Variants in EBF1 observed in about 807,000 individuals in gnomAD.
The protein encoded by EBF1 is EBF transcription factor 1.
In EBF1, 10 loss-of-function variants were observed where a neutral mutation model predicts 68.4. The observed-to-expected ratio is 0.15, with a 90% CI of 0.09 to 0.25. EBF1 has a LOEUF of 0.25. EBF1 is among the 10% of genes least tolerant of loss of function. The probability of loss-of-function intolerance (pLI) is 1.00; values close to 1 mark genes in which losing one functional copy is unlikely to be tolerated. For missense variants in EBF1, 509 were observed against 794.4 expected (o/e 0.64, Z 4.32); for synonymous variants, 298 against 299.8 (o/e 0.99, Z 0.06).
chr5:158,797,630 T>C (rs1184494103), intron 8 of EBF1, among the ~76,000 whole-genome samples: 1 of 152,190 alleles, frequency 6.6e-6, no homozygotes, highest in African/African-American at 2.4e-5. Context: ...GCTTTAACTT[T>C]TGCAAGAAGG....
intron 9 of EBF1, among the ~76,000 whole-genome samples, chr5:158,795,920 T>C (rs1477421657): frequency 6.6e-6 from 1 of 152,212 alleles, no homozygotes; most frequent in Non-Finnish European, 1.5e-5. Flanking sequence ...ACCTGGATTA[T>C]GCTGCCATTG....
chr5:158,833,973 A>G (rs1482653686), intron 7 of EBF1, among the ~76,000 whole-genome samples: 2 of 152,218 alleles, frequency 1.3e-5, no homozygotes, highest in East Asian at 3.8e-4. Flanking sequence ...TATGTCTTCT[A>G]TTTACATTCA....
At chr5:158,982,282 T>C (rs1449347264) in intron 6 of EBF1, among the ~76,000 whole-genome samples, 1 of 152,212 alleles carries the variant, frequency 6.6e-6, no homozygotes, top group Non-Finnish European at 1.5e-5. Flanking sequence ...CTGCTACAGT[T>C]GTTACTAATA....
chr5:158,904,826 A>G (rs1316916658), intron 6 of EBF1, among the ~76,000 whole-genome samples: 1 of 151,886 alleles, frequency 6.6e-6, no homozygotes, highest in Non-Finnish European at 1.5e-5. Context: ...TCCCTAATAC[A>G]TTTCTCAAAT....
chr5:158,789,427 C>T (rs1429606790), intron 9 of EBF1, among the ~76,000 whole-genome samples: 3 of 152,078 alleles, frequency 2.0e-5, no homozygotes, highest in African/African-American at 7.2e-5. Context: ...CTGTATCTCA[C>T]ATAAAAGGTG....
chr5:158,826,876 GA>G (rs1786263717), intron 7 of EBF1, among the ~76,000 whole-genome samples: 2 of 152,152 alleles, frequency 1.3e-5, no homozygotes, highest in African/African-American at 4.8e-5. Context: ...TTTCTGGATA[GA>G]TATCCCTAAA....
At chr5:159,027,934 T>C (rs992084136) in intron 6 of EBF1, among the ~76,000 whole-genome samples, 25 of 152,210 alleles carry the variant, frequency 1.6e-4, no homozygotes, top group Admixed American at 3.9e-4. Flanking sequence ...TACTCTCTTC[T>C]GGAAAAATGA....
rs991822445 is a variant in EBF1 at position 158,696,392 on chromosome 5, AC to A, written c.*2718del. ...TATACACATTTTAAAGGCTCTTTGG[AC>A]TTTCAAGAAGAGTTCTAACCACTGC... On this transcript the variant is annotated 3_prime_UTR_variant, in exon 16 of 16. Transcript: ENST00000313708. 1 of 221,866 alleles carries A rather than the reference AC, an allele frequency of 4.5e-6. No individual in the cohort carries two copies. The highest frequency in any genetic ancestry group is 2.2e-5 in the African/African-American group (1 of 44,696). The allele number at this position is 221,866 out of a possible 1,614,324, so 13.7% of individuals were successfully genotyped here.
intron 6 of EBF1, chr5:158,987,349 T>A (rs1561715343): frequency 6.6e-6 from 1 of 152,222 alleles, no homozygotes; most frequent in African/African-American, 2.4e-5. Flanking sequence ...TATTTTTCTA[T>A]TATCTTTACT....
intron 6 of EBF1, among the ~76,000 whole-genome samples, chr5:158,962,562 T>C (rs1180525759): frequency 6.6e-6 from 1 of 152,220 alleles, no homozygotes; most frequent in African/African-American, 2.4e-5. Flanking sequence ...TAGAAAGCTT[T>C]GTTTTATCAG....
intron 6 of EBF1, among the ~76,000 whole-genome samples, chr5:158,946,646 A>G (rs1814790221): frequency 6.6e-6 from 1 of 152,192 alleles, no homozygotes. Context: ...GTGTCTCTCC[A>G]TCAGGAGGCA....
chr5:158,717,088 T>G (rs1760891360), intron 11 of EBF1, among the ~76,000 whole-genome samples: 1 of 152,252 alleles, frequency 6.6e-6, no homozygotes, highest in Non-Finnish European at 1.5e-5. Context: ...ACTTGAATAT[T>G]TATTGTATAT....
intron 6 of EBF1, among the ~76,000 whole-genome samples, chr5:158,899,766 A>G (rs1292295324): frequency 1.3e-5 from 2 of 152,182 alleles, no homozygotes; most frequent in African/African-American, 4.8e-5. Flanking sequence ...GAGATATTGA[A>G]TGGAATATTC....
At chr5:158,745,747 A>G (rs1203364468) in intron 10 of EBF1, among the ~76,000 whole-genome samples, 3 of 152,218 alleles carry the variant, frequency 2.0e-5, no homozygotes. Flanking sequence ...TGGGGGTTCT[A>G]ATTGGAATAT....
At chr5:158,832,573 A>T (rs1166419610) in intron 7 of EBF1, among the ~76,000 whole-genome samples, 1 of 152,260 alleles carries the variant, frequency 6.6e-6, no homozygotes. Context: ...TTGTCAAAAC[A>T]ATATAACAAT....
chr5:158,899,170 T>G (rs1159293985), intron 6 of EBF1, among the ~76,000 whole-genome samples: 2 of 152,260 alleles, frequency 1.3e-5, no homozygotes, highest in African/African-American at 4.8e-5. Flanking sequence ...AGTTTCTGCC[T>G]TGCATATGCC....
At chr5:158,814,086 C>A (rs1382645294) in intron 8 of EBF1, among the ~76,000 whole-genome samples, 2 of 152,140 alleles carry the variant, frequency 1.3e-5, no homozygotes, top group African/African-American at 4.8e-5. Flanking sequence ...TGGCTCATAC[C>A]TGTAATGCCA....
intron 6 of EBF1, among the ~76,000 whole-genome samples, chr5:158,971,379 C>T (rs940428907): frequency 8.5e-5 from 13 of 152,174 alleles, no homozygotes; most frequent in African/African-American, 3.1e-4. Flanking sequence ...GACTTGGAAG[C>T]TGGACCTTGA....
At chr5:158,796,082 C>T (rs6860231) in intron 9 of EBF1, among the ~76,000 whole-genome samples, 9,130 of 152,128 alleles carry the variant, frequency 0.06, 352 homozygotes, top group Non-Finnish European at 0.077. Context: ...GACCTCCACA[C>T]CATGGCAAGC....
Sources: allele counts gnomAD v4.1 joint callset (sites outside exome capture counted in the v4.1 genomes callset), GRCh38; gene constraint gnomAD v4.1.1; transcripts MANE v1.5; gene names NCBI Gene and HGNC (gene_info 2026-07-23, HGNC 2026-07-21).